Variants in OPRD1 observed in about 807,000 individuals in gnomAD.
OPRD1 encodes the protein delta-type opioid receptor.
OPRD1 carries 19 observed loss-of-function variants against 17.5 expected under a neutral mutation model. The observed-to-expected ratio is 1.09, with a 90% CI of 0.76 to 1.60. The LOEUF is 1.60. OPRD1 is among the 40% of genes most tolerant of loss of function. The pLI is 0.00. For missense variants in OPRD1, 483 were observed against 547.2 expected (o/e 0.88, Z 1.17); for synonymous variants, 256 against 240.9 (o/e 1.06, Z -0.58).
rs970469539 is a variant in OPRD1 at position 28,844,672 on chromosome 1, C to G, written c.228-14282C>G. On this transcript the variant is annotated intron_variant, in intron 1 of 2. Transcript: ENST00000234961. The stretch of plus-strand genomic sequence containing the variant: ...TATAGTCTGGATATTAACCCCTTAT[C>G]AGATATGTGATTTGCAAATCTTTTC... Among the ~76,000 whole-genome samples the G allele has an allele frequency of 2.0e-5, 3 of 152,132 alleles. No homozygotes were observed. In the South Asian group the frequency reaches 6.2e-4, roughly 32 times the overall value.
chr1:28,812,575 G>T lies in OPRD1; in HGVS notation c.192G>T (p.Leu64=). The T allele has an allele frequency of 6.4e-7, 1 of 1,570,942 alleles. No homozygotes were observed. The change falls in exon 1 of 3, where the codon CTG becomes CTT. Residue 64 remains leucine, a synonymous_variant. Coordinates refer to ENST00000234961, the MANE Select transcript of OPRD1 (RefSeq NM_000911.4). ...ALYSAVCAVG[L]LGNVLVMFGI... ...ACTCGGCCGTGTGCGCCGTGGGGCT[G>T]CTGGGCAACGTGCTTGTCATGTTCG...
chr1:28,854,133 G>C (rs1355545912), intron 1 of OPRD1, among the ~76,000 whole-genome samples: 1 of 152,118 alleles, frequency 6.6e-6, no homozygotes, highest in African/African-American at 2.4e-5. Context: ...GGGAGAGAGG[G>C]CGTGCTACAC....
intron 1 of OPRD1, among the ~76,000 whole-genome samples, chr1:28,856,613 G>A (rs2089060414): frequency 6.6e-6 from 1 of 152,156 alleles, no homozygotes; most frequent in African/African-American, 2.4e-5. Flanking sequence ...TGCTGTGGTG[G>A]TGACACTGCA....
chr1:28,831,339 GTC>G (rs1187481889), intron 1 of OPRD1, among the ~76,000 whole-genome samples: 2 of 152,148 alleles, frequency 1.3e-5, no homozygotes, highest in Non-Finnish European at 2.9e-5. Flanking sequence ...GTGAAACACT[GTC>G]TCTATTAAAA....
chr1:28,837,814 C>G (rs1362434945), intron 1 of OPRD1, among the ~76,000 whole-genome samples: 2 of 149,014 alleles, frequency 1.3e-5, no homozygotes, highest in Admixed American at 6.8e-5. Flanking sequence ...AGCCATGACA[C>G]CCAACTCTCT....
intron 1 of OPRD1, among the ~76,000 whole-genome samples, chr1:28,816,428 G>A (rs2088671555): frequency 6.6e-6 from 1 of 152,164 alleles, no homozygotes; most frequent in African/African-American, 2.4e-5. Context: ...GAAGCAGGAT[G>A]CTGATGAGGG....
intron 1 of OPRD1, among the ~76,000 whole-genome samples, chr1:28,819,586 A>G (rs1410233498): frequency 6.6e-6 from 1 of 152,220 alleles, no homozygotes; most frequent in Admixed American, 6.5e-5. Flanking sequence ...TGCAAGCTGC[A>G]CCACAGCCCT....
At chr1:28,843,560 A>G (rs142092530) in intron 1 of OPRD1, among the ~76,000 whole-genome samples, 1 of 152,282 alleles carries the variant, frequency 6.6e-6, no homozygotes, top group African/African-American at 2.4e-5. Flanking sequence ...GGCAAATTTT[A>G]TTTAGCACGA....
chr1:28,828,727 C>T (rs1469155630), intron 1 of OPRD1, among the ~76,000 whole-genome samples: 2 of 149,008 alleles, frequency 1.3e-5, no homozygotes, highest in East Asian at 2.0e-4. Context: ...CAGTGGTTCA[C>T]GCCTGTAATC....
intron 1 of OPRD1, among the ~76,000 whole-genome samples, chr1:28,847,589 T>G (rs773064825): frequency 2.6e-5 from 4 of 152,110 alleles, no homozygotes; most frequent in Non-Finnish European, 5.9e-5. Flanking sequence ...ATCCCAGCAC[T>G]TTGGGAGACT....
chr1:28,854,803 C>T (rs2089040209), intron 1 of OPRD1, among the ~76,000 whole-genome samples: 2 of 152,112 alleles, frequency 1.3e-5, no homozygotes, highest in Admixed American at 6.5e-5. Context: ...CAGGAGCATG[C>T]CACTACGCCC....
chr1:28,815,208 G>C (rs2088663367), intron 1 of OPRD1, among the ~76,000 whole-genome samples: 2 of 152,136 alleles, frequency 1.3e-5, no homozygotes, highest in Admixed American at 6.5e-5. Flanking sequence ...GACCTCCTGG[G>C]CTTAATGCGA....
chr1:28,860,083 G>C (rs1025446017), intron 2 of OPRD1, among the ~76,000 whole-genome samples: 1 of 152,204 alleles, frequency 6.6e-6, no homozygotes, highest in Non-Finnish European at 1.5e-5. Context: ...TTTAAATGTT[G>C]GTTGGGTGCA....
chr1:28,843,657 G>A (rs2088915681), intron 1 of OPRD1, among the ~76,000 whole-genome samples: 1 of 152,074 alleles, frequency 6.6e-6, no homozygotes, highest in Admixed American at 6.6e-5. Flanking sequence ...CTCTTGCTCT[G>A]TCGCCCATGC....
chr1:28,852,814 G>A lies in OPRD1; in HGVS notation c.228-6140G>A, dbSNP rs2089017081. Among the ~76,000 whole-genome samples, 3 of 152,074 alleles carry A rather than the reference G, an allele frequency of 2.0e-5. No homozygotes were observed. In the South Asian group the frequency reaches 6.3e-4, roughly 32 times the overall value. On this transcript the variant is annotated intron_variant, in intron 1 of 2. Transcript: ENST00000234961. ...CTCACTACAACCTCTGCCTTCCTGG[G>A]TGCAAGCAATTCTCCTGCCTTGGCC...
chr1:28,837,452 A>C (rs1022179352), intron 1 of OPRD1, among the ~76,000 whole-genome samples: 1 of 152,096 alleles, frequency 6.6e-6, no homozygotes, highest in African/African-American at 2.4e-5. Context: ...GATCGAGACC[A>C]GCCTGGTTAA....
intron 1 of OPRD1, among the ~76,000 whole-genome samples, chr1:28,853,978 C>T (rs576943120): frequency 4.6e-5 from 7 of 152,018 alleles, no homozygotes; most frequent in South Asian, 4.1e-4. Flanking sequence ...TGAGCTCAAA[C>T]GATCTGCCTG....
intron 1 of OPRD1, among the ~76,000 whole-genome samples, chr1:28,847,718 CA>C (rs914103047): frequency 1.1e-4 from 17 of 152,082 alleles, no homozygotes; most frequent in Admixed American, 5.9e-4. Context: ...CCTGTAAACA[CA>C]GCTACTTGGG....
intron 1 of OPRD1, among the ~76,000 whole-genome samples, chr1:28,853,952 G>T (rs1399135542): frequency 1.3e-5 from 2 of 151,940 alleles, no homozygotes; most frequent in Non-Finnish European, 2.9e-5. Context: ...TGTTGTCCAG[G>T]CTGGTCTTCA....
Sources: allele counts gnomAD v4.1 joint callset (sites outside exome capture counted in the v4.1 genomes callset), GRCh38; gene constraint gnomAD v4.1.1; transcripts MANE v1.5; gene names NCBI Gene and HGNC (gene_info 2026-07-23, HGNC 2026-07-21).